The following USP28 variants were observed in gnomAD, a reference collection of about 807,000 sequenced individuals.
USP28 encodes the protein ubiquitin carboxyl-terminal hydrolase 28.
USP28 carries 113 observed loss-of-function variants against 145.0 expected under a neutral mutation model. The ratio of observed to expected loss-of-function variants is 0.78; its 90% CI spans 0.67 to 0.91. USP28 has a LOEUF of 0.91. Among genes scored for constraint, USP28 ranks in the 40% least tolerant of loss-of-function variants. USP28 has a pLI of 0.00. For synonymous variants in USP28, 447 were observed against 450.9 expected (o/e 0.99, Z 0.11); for missense variants, 1,201 against 1,289.6 (o/e 0.93, Z 1.05).
rs554133962 is a variant in USP28, at chr11:113,817,426, G to T, written c.1463+232C>A. Reference sequence around the variant, plus strand: ...CTGGGTGGAGCCTGAACACTATCCTGAACAGTTTGAGAAGCCTCTGAAATA... The same window carrying T: ...CTGGGTGGAGCCTGAACACTATCCTTAACAGTTTGAGAAGCCTCTGAAATA... On this transcript the variant is annotated intron_variant, in intron 13 of 24. Transcript: ENST00000003302. Among the ~76,000 whole-genome samples, 13 of 152,246 alleles carry T rather than the reference G, an allele frequency of 8.5e-5. No homozygotes were observed. The East Asian group carries it at 1.7e-3, about 20-fold the overall frequency.
intron 11 of USP28, among the ~76,000 whole-genome samples, chr11:113,826,620 T>C (rs899499032): frequency 6.6e-6 from 1 of 151,798 alleles, no homozygotes; most frequent in African/African-American, 2.4e-5. Flanking sequence ...ACCAGACTTT[T>C]ATAAAATTAA....
chr11:113,798,065 G>GT (rs1938242211), exon 25 of USP28: 1 of 96,968 alleles, frequency 1.0e-5, no homozygotes, highest in Non-Finnish European at 2.1e-5. Context: ...TATGTATGCT[G>GT]GTTTTTTTTT....
At chr11:113,872,870 G>A (rs1460803201) in intron 1 of USP28, among the ~76,000 whole-genome samples, 2 of 152,188 alleles carry the variant, frequency 1.3e-5, no homozygotes, top group African/African-American at 4.8e-5. Flanking sequence ...CCAGTTTGCA[G>A]TCTAGAGGAT....
chr11:113,871,177 C>T (rs953680392), intron 1 of USP28, among the ~76,000 whole-genome samples: 1 of 152,096 alleles, frequency 6.6e-6, no homozygotes, highest in African/African-American at 2.4e-5. Flanking sequence ...GAACACAGAG[C>T]TGGAAAGAGA....
chr11:113,800,696 C>CT (rs1417670869), intron 24 of USP28, among the ~76,000 whole-genome samples: 4 of 152,144 alleles, frequency 2.6e-5, no homozygotes, highest in African/African-American at 9.7e-5. Flanking sequence ...AAACAACCAG[C>CT]TTTACATTCC....
chr11:113,809,495 C>A lies in USP28; in HGVS notation c.1973-241G>T, dbSNP rs181824284. 3.0e-3 allele frequency among the ~76,000 whole-genome samples: 450 copies of A among 152,240 alleles called. 2 individuals carry two copies. Among genetic ancestry groups the A allele is most frequent in the African/African-American group, 0.011 (438 of 41,538 alleles). Reference sequence around the variant, plus strand: ...TGCACAATTAGTTATAGTTGAGCATCCCAAATCCTAAAATCCAACATCTGA... The same window carrying A: ...TGCACAATTAGTTATAGTTGAGCATACCAAATCCTAAAATCCAACATCTGA... On this transcript the variant is annotated intron_variant, in intron 16 of 24. Transcript: ENST00000003302.
intron 5 of USP28, among the ~76,000 whole-genome samples, chr11:113,839,030 G>A (rs1243626421): frequency 6.6e-6 from 1 of 152,172 alleles, no homozygotes; most frequent in African/African-American, 2.4e-5. Flanking sequence ...ACCCTCTAGT[G>A]AATTCATTCA....
chr11:113,803,808 G>T (rs1271678249), exon 22 of USP28: 1 of 1,612,954 alleles, frequency 6.2e-7, no homozygotes, highest in African/African-American at 1.3e-5. Context: ...TTTCCTTTTT[G>T]ATAGAGTTCT....
At chr11:113,803,277 G>C in exon 23 of USP28, 2 of 1,606,768 alleles carry the variant, frequency 1.2e-6, no homozygotes, top group Non-Finnish European at 1.7e-6. Flanking sequence ...AGTGCCTCTT[G>C]GTACCTTAGA....
At chr11:113,824,521 G>A (rs1943066257) in intron 11 of USP28, among the ~76,000 whole-genome samples, 2 of 151,508 alleles carry the variant, frequency 1.3e-5, no homozygotes, top group South Asian at 2.1e-4. Context: ...GTTTCACCAG[G>A]TTGGTCAGGC....
intron 1 of USP28, among the ~76,000 whole-genome samples, chr11:113,871,651 AC>A (rs1345657735): frequency 1.3e-5 from 2 of 152,196 alleles, no homozygotes; most frequent in African/African-American, 4.8e-5. Context: ...AAGGAAGGGA[AC>A]CTTTTCCACT....
At chr11:113,822,143 T>A (rs1299194970) in intron 12 of USP28, among the ~76,000 whole-genome samples, 2 of 152,062 alleles carry the variant, frequency 1.3e-5, no homozygotes, top group East Asian at 3.9e-4. Flanking sequence ...AAAGATGGGG[T>A]CTCTTATGTT....
At chr11:113,850,360 C>G (rs1298486564) in intron 3 of USP28, among the ~76,000 whole-genome samples, 2 of 152,128 alleles carry the variant, frequency 1.3e-5, no homozygotes, top group African/African-American at 4.8e-5. Context: ...CAAAGTCAAT[C>G]AACAAATACA....
intron 3 of USP28, 88 bp downstream of exon 3, chr11:113,852,413 G>A (rs1165080579): frequency 1.3e-5 from 20 of 1,501,406 alleles, no homozygotes; most frequent in Non-Finnish European, 1.7e-5. Flanking sequence ...TCAAAGGGCT[G>A]ATGTGATTGA....
At chr11:113,803,304 A>G in intron 22 of USP28, 23 bp from the exon 24 acceptor site, 1 of 1,592,656 alleles carries the variant, frequency 6.3e-7, no homozygotes, top group East Asian at 2.3e-5. Flanking sequence ...GGAGATAAAC[A>G]ACAGCTGAGT....
intron 1 of USP28, among the ~76,000 whole-genome samples, chr11:113,872,351 G>T (rs1591531412): frequency 6.6e-6 from 1 of 152,140 alleles, no homozygotes; most frequent in African/African-American, 2.4e-5. Context: ...GCCGGGCGTG[G>T]TGGTGGGCAC....
chr11:113,852,171 G>A (rs896223655), intron 3 of USP28, among the ~76,000 whole-genome samples: 4 of 152,132 alleles, frequency 2.6e-5, no homozygotes, highest in Admixed American at 1.3e-4. Flanking sequence ...TGGGACTACA[G>A]GTGCCCACCA....
chr11:113,801,280 T>C (rs564855273), intron 24 of USP28, among the ~76,000 whole-genome samples: 1 of 152,188 alleles, frequency 6.6e-6, no homozygotes, highest in Non-Finnish European at 1.5e-5. Context: ...TTGGCAGTCA[T>C]GGGGAAGCTA....
chr11:113,870,179 A>G (rs1948677952), intron 1 of USP28, among the ~76,000 whole-genome samples: 1 of 152,132 alleles, frequency 6.6e-6, no homozygotes. Context: ...CAAAACAAGA[A>G]AAAAGTAACA....
Sources: allele counts gnomAD v4.1 joint callset (sites outside exome capture counted in the v4.1 genomes callset), GRCh38; gene constraint gnomAD v4.1.1; transcripts MANE v1.5; gene names NCBI Gene and HGNC (gene_info 2026-07-23, HGNC 2026-07-21).